Variants in NDST4 observed in about 807,000 individuals in gnomAD.
NDST4 encodes the protein N-heparan sulfate sulfotransferase 4.
NDST4 carries 63 observed loss-of-function variants against 100.8 expected under a neutral mutation model. The ratio of observed to expected loss-of-function variants is 0.62; its 90% CI spans 0.51 to 0.77. The LOEUF (loss-of-function observed/expected upper bound fraction) is 0.77. NDST4 is among the 30% of genes least tolerant of loss of function. The pLI is 0.00. For synonymous variants in NDST4, 377 were observed against 361.8 expected, an observed-to-expected ratio of 1.04 and a Z score of -0.48; for missense variants, 943 against 1,018.4, an observed-to-expected ratio of 0.93 and a Z score of 1.01.
chr4:114,916,596 G>C (rs1308029164), intron 6 of NDST4, among the ~76,000 whole-genome samples: 1 of 150,384 alleles, frequency 6.6e-6, no homozygotes, highest in African/African-American at 2.4e-5. Flanking sequence ...GTGTGTATGT[G>C]TGTGTGTGTG....
intron 3 of NDST4, 120 bp from the exon 4 acceptor site, chr4:114,970,704 T>G (rs978753670): frequency 7.1e-6 from 6 of 844,808 alleles, no homozygotes; most frequent in Admixed American, 6.1e-5. Flanking sequence ...TTCTGTGGGC[T>G]TTTTAAATCA....
At chr4:115,095,159 C>T (rs1008141488) in intron 1 of NDST4, among the ~76,000 whole-genome samples, 1 of 152,020 alleles carries the variant, frequency 6.6e-6, no homozygotes, top group African/African-American at 2.4e-5. Flanking sequence ...ACTCATCAAA[C>T]AGGAGCCTCA....
At chr4:115,035,059 A>T (rs192248623) in intron 2 of NDST4, among the ~76,000 whole-genome samples, 1 of 152,208 alleles carries the variant, frequency 6.6e-6, no homozygotes, top group African/African-American at 2.4e-5. Context: ...TCCTTAGTGT[A>T]CCCAAACTAA....
intron 1 of NDST4, among the ~76,000 whole-genome samples, chr4:115,091,605 T>C (rs989249554): frequency 6.6e-6 from 1 of 152,140 alleles, no homozygotes; most frequent in African/African-American, 2.4e-5. Context: ...CTATTGTTCA[T>C]AGTTATATTT....
At chr4:115,099,707 T>C (rs777787752) in intron 1 of NDST4, among the ~76,000 whole-genome samples, 17 of 152,166 alleles carry the variant, frequency 1.1e-4, no homozygotes, top group Non-Finnish European at 2.4e-4. Context: ...TCTCATTCAT[T>C]GCTGGTAGGA....
At chr4:115,048,576 G>A (rs952788552) in intron 2 of NDST4, among the ~76,000 whole-genome samples, 4 of 152,036 alleles carry the variant, frequency 2.6e-5, no homozygotes, top group South Asian at 2.1e-4. Context: ...GTGAGCCACC[G>A]TGCCCGACCC....
At chr4:115,066,284 T>G (rs746036635) in intron 2 of NDST4, among the ~76,000 whole-genome samples, 10 of 152,244 alleles carry the variant, frequency 6.6e-5, no homozygotes, top group Non-Finnish European at 1.0e-4. Context: ...TATACAATTT[T>G]GGCAATTTTT....
chr4:114,867,646 T>TAAA (rs761173470), intron 7 of NDST4, among the ~76,000 whole-genome samples: 4 of 26,764 alleles, frequency 1.5e-4, no homozygotes, highest in Non-Finnish European at 3.1e-4. Context: ...ATGAGAATTA[T>TAAA]AAAAAAAAAA....
chr4:115,080,708 G>GAA (rs1553921939), intron 1 of NDST4, among the ~76,000 whole-genome samples: 18 of 151,460 alleles, frequency 1.2e-4, no homozygotes, highest in Middle Eastern at 3.4e-3. Context: ...GTGTGTGTGT[G>GAA]TAATAATGAA....
At chr4:114,883,822 G>C (rs145698840) in intron 6 of NDST4, among the ~76,000 whole-genome samples, 1 of 152,026 alleles carries the variant, frequency 6.6e-6, no homozygotes, top group African/African-American at 2.4e-5. Flanking sequence ...TTAGATTCTC[G>C]TAAGGAGCCT....
chr4:114,892,122 T>C (rs1166483304), intron 6 of NDST4, among the ~76,000 whole-genome samples: 2 of 152,128 alleles, frequency 1.3e-5, no homozygotes, highest in Admixed American at 6.6e-5. Context: ...TGTAACCTAA[T>C]ATTTTTCCTA....
chr4:115,020,686 G>A (rs553899486), intron 2 of NDST4, among the ~76,000 whole-genome samples: 2 of 151,916 alleles, frequency 1.3e-5, no homozygotes, highest in Non-Finnish European at 1.5e-5. Flanking sequence ...CTAATATCCA[G>A]AATTTACAAT....
intron 2 of NDST4, among the ~76,000 whole-genome samples, chr4:114,984,322 GCACC>G (rs1480867181): frequency 1.3e-5 from 2 of 151,890 alleles, no homozygotes; most frequent in Non-Finnish European, 2.9e-5. Flanking sequence ...GGGACTACAG[GCACC>G]CACCACCATG....
chr4:115,076,270 A>G lies in NDST4; in HGVS notation c.767T>C (p.Val256Ala). Residue 256 changes from valine to alanine, a missense_variant, in exon 2 of 14, where the codon GTG (valine) becomes GCG (alanine). Coordinates refer to ENST00000264363, the MANE Select transcript of NDST4 (RefSeq NM_022569.3). ...SLSSKTLFAT[V>A]IQDLGLHDGI... is the part of the protein sequence containing the mutation. ...ATCATGAAGCCCCAGATCCTGAATC[A>G]CCGTTGCAAAGAGTGTTTTGCTAGA... The G allele has an allele frequency of 6.2e-7, 1 of 1,614,000 alleles. No individual in the cohort carries two copies. Among genetic ancestry groups the G allele is most frequent in the African/African-American group, 1.3e-5 (1 of 75,060 alleles).
chr4:115,061,761 C>T (rs1370986904), intron 2 of NDST4, among the ~76,000 whole-genome samples: 1 of 152,004 alleles, frequency 6.6e-6, no homozygotes, highest in Non-Finnish European at 1.5e-5. Context: ...GTACATTCTG[C>T]ACATGTATCC....
chr4:114,913,495 C>T (rs185065144), intron 6 of NDST4, among the ~76,000 whole-genome samples: 2 of 151,958 alleles, frequency 1.3e-5, no homozygotes. Flanking sequence ...TAGAGATTAT[C>T]TGCCTATTTT....
intron 2 of NDST4, among the ~76,000 whole-genome samples, chr4:115,033,885 C>T (rs2126271131): frequency 6.6e-6 from 1 of 152,242 alleles, no homozygotes; most frequent in East Asian, 1.9e-4. Context: ...TGCAGAATTA[C>T]TTAAAAGTTT....
intron 1 of NDST4, among the ~76,000 whole-genome samples, chr4:115,110,576 C>A (rs1290771945): frequency 6.6e-6 from 1 of 151,866 alleles, no homozygotes; most frequent in African/African-American, 2.4e-5. Context: ...AAAACTTTCA[C>A]ATTTCTTTGT....
chr4:115,046,485 C>T (rs1728465954), intron 2 of NDST4, among the ~76,000 whole-genome samples: 1 of 152,002 alleles, frequency 6.6e-6, no homozygotes, highest in Admixed American at 6.6e-5. Context: ...GCATATTTTC[C>T]CAAGGTGAGA....
Sources: gnomAD v4.1 joint callset for allele counts (sites outside exome capture counted in the v4.1 genomes callset) on GRCh38, gnomAD v4.1.1 for gene constraint, MANE v1.5 for transcripts, NCBI Gene and HGNC (gene_info 2026-07-23, HGNC 2026-07-21) for gene names.